CHTF18: variants seen among roughly 807,000 people sequenced by gnomAD.
The protein encoded by CHTF18 is chromosome transmission fidelity protein 18 homolog.
CHTF18 carries 151 observed loss-of-function variants against 113.4 expected under a neutral mutation model. The ratio of observed to expected loss-of-function variants is 1.33; its 90% CI spans 1.17 to 1.52. The LOEUF (loss-of-function observed/expected upper bound fraction) is 1.52, where lower values mean the gene tolerates loss of function less well. Among genes scored for constraint, CHTF18 ranks in the 40% most tolerant of loss-of-function variants. The pLI is 0.00. For missense variants in CHTF18, 1,982 were observed against 1,381.6 expected, an observed-to-expected ratio of 1.43 and a Z score of -6.89; for synonymous variants, 916 against 598.8, an observed-to-expected ratio of 1.53 and a Z score of -7.74.
In CHTF18 at chr16:789,176, G is replaced by A. The variant is rs1478735145; in HGVS notation, c.287-34G>A. ...CCTCCGGAGTGGGCGCGAGGCTGAG[G>A]AGGCCTCTGGTTCCCTGCATGTGTC... On this transcript the variant is annotated intron_variant, in intron 2 of 21. Coordinates refer to ENST00000262315, the MANE Select transcript of CHTF18 (RefSeq NM_022092.3). 6 of 1,550,204 alleles carry A rather than the reference G, an allele frequency of 3.9e-6. No individual in the cohort carries two copies. The South Asian group carries it at 7.1e-5, about 18-fold the overall frequency.
chr16:791,543 G>T lies in CHTF18; in HGVS notation c.1104+173G>T, dbSNP rs1029395372. Reference sequence around the variant, plus strand: ...CTGGAGCGTTGCAGTAACAACTCGGGGGAAGTCGTTGTCCCTGAAGGGCTC... The same window carrying T: ...CTGGAGCGTTGCAGTAACAACTCGGTGGAAGTCGTTGTCCCTGAAGGGCTC... On this transcript the variant is annotated intron_variant, in intron 8 of 21. Coordinates refer to ENST00000262315, the MANE Select transcript of CHTF18 (RefSeq NM_022092.3). 11 of 1,435,370 alleles carry T rather than the reference G, an allele frequency of 7.7e-6. No homozygotes were observed. In the Admixed American group the frequency reaches 3.1e-4, roughly 41 times the overall value. The allele number at this position is 1,435,370 out of a possible 1,614,324, so 88.9% of individuals were successfully genotyped here.
chr16:791,921 G>C lies in CHTF18; in HGVS notation c.1175G>C (p.Gly392Ala). Residue 392 changes from glycine (G) to alanine (A), a missense_variant, in exon 9 of 22, where the codon GGG becomes GCG. Coordinates refer to ENST00000262315, the MANE Select transcript of CHTF18 (RefSeq NM_022092.3). The stretch of plus-strand genomic sequence containing the variant: ...GCACACGTGATTGCGCGTCACGCGG[G>C]GTACTCTGTGGTGGAGATGAACGCC... ...TLAHVIARHA[G>A]YSVVEMNASD... The C allele has an allele frequency of 1.9e-6, 3 of 1,609,604 alleles. No individual in the cohort carries two copies. The highest frequency in any genetic ancestry group is 1.3e-5 in the African/African-American group (1 of 75,024).
At chr16:792,132 G>A (rs951539268) in intron 9 of CHTF18, 92 bp from the exon 10 acceptor site, 33 of 1,525,014 alleles carry the variant, frequency 2.2e-5, no homozygotes, top group South Asian at 7.4e-5. Flanking sequence ...GTCATGTGAC[G>A]GTCTCCACGC....
intron 15 of CHTF18, 74 bp downstream of exon 15, chr16:794,275 G>A: frequency 6.5e-7 from 1 of 1,545,924 alleles, no homozygotes; most frequent in Non-Finnish European, 8.8e-7. Context: ...GCCCCTGCCG[G>A]TCCTCCCGTA....
rs372737722 is a variant in CHTF18, at chr16:790,245, C to A, written c.675C>A (p.Ser225=). ...QLDLLGVSLA[S]LKKQVDGERR... is the part of the protein sequence containing the mutation. ...ACCTGCTGGGTGTGTCCTTAGCCTCCCTGAAGAAGCAGGTCGACGGCGAGG... is the reference window on the plus strand; with the variant it reads ...ACCTGCTGGGTGTGTCCTTAGCCTCACTGAAGAAGCAGGTCGACGGCGAGG... The change falls in exon 5 of 22, where the codon TCC becomes TCA. Residue 225 remains serine (S), a synonymous_variant. Transcript: ENST00000262315. 1 of 1,606,786 alleles carries A rather than the reference C, an allele frequency of 6.2e-7. No individual in the cohort carries two copies. The highest frequency in any genetic ancestry group is 8.5e-7 in the Non-Finnish European group (1 of 1,177,638).
intron 13 of CHTF18, 32 bp downstream of exon 13, chr16:793,096 G>GGTGGC: frequency 6.4e-7 from 1 of 1,568,288 alleles, no homozygotes; most frequent in Non-Finnish European, 8.6e-7. Flanking sequence ...GGTGGGGTGG[G>GGTGGC]GTGGGGTCAG....
Position 791,275 on chromosome 16 carries a change from G to A in CHTF18, c.1009G>A (p.Glu337Lys). Residue 337 changes from glutamate to lysine, a missense_variant, in exon 8 of 22, where the codon GAG (glutamate) becomes AAG (lysine). Transcript: ENST00000262315. ...TGTTGAGCCGGCCCGGGTCAGCAAG[G>A]AGGCCACAGCCCCAGGCAAGTGGAA... ...PSVEPARVSKEATAPGKWKSH... is the reference protein window; with the variant it reads ...PSVEPARVSKKATAPGKWKSH... 6.2e-7 allele frequency: 1 copy of A among 1,610,896 alleles called. No individual in the cohort carries two copies. Among genetic ancestry groups the A allele is most frequent in the Non-Finnish European group, 8.5e-7 (1 of 1,179,472 alleles).
In CHTF18 at chr16:794,063, G is replaced by T; in HGVS notation, c.1812G>T (p.Val604=). ...FQLPRAQRRR[V]GQDPALPADT... ...AGCACCCCACCTGCAGGCGCCGTGTGGGCCAGGACCCCGCCCTGCCTGCTG... is the reference window on the plus strand; with the variant it reads ...AGCACCCCACCTGCAGGCGCCGTGTTGGCCAGGACCCCGCCCTGCCTGCTG... Residue 604 remains valine, a synonymous_variant, in exon 15 of 22, where the codon GTG becomes GTT. Coordinates refer to ENST00000262315, the MANE Select transcript of CHTF18 (RefSeq NM_022092.3). 4 of 1,610,634 alleles carry T rather than the reference G, an allele frequency of 2.5e-6. No homozygotes were observed. The highest frequency in any genetic ancestry group is 3.4e-6 in the Non-Finnish European group (4 of 1,179,000).
At position 797,030 on chromosome 16, in the gene CHTF18, G is replaced by C; in HGVS notation, c.2671G>C (p.Ala891Pro). The C allele has an allele frequency of 6.4e-7, 1 of 1,561,112 alleles. No individual in the cohort carries two copies. The highest frequency in any genetic ancestry group is 8.7e-7 in the Non-Finnish European group (1 of 1,153,434). The change falls in exon 20 of 22, where the codon GCC becomes CCC. Residue 891 changes from alanine (A) to proline (P), a missense_variant. Coordinates refer to ENST00000262315, the MANE Select transcript of CHTF18 (RefSeq NM_022092.3). ...TGGGGAGAAAGGGGTGCACCGACCT[G>C]CCCCACGCAACCATGAGCAGCGGCT... ...GIGEKGVHRP[A>P]PRNHEQRLEH...
At position 789,741 on chromosome 16, in the gene CHTF18, G is replaced by A. The variant is rs182844331; in HGVS notation, c.606+26G>A. ...GTGCGTGGCTGTGGCCTTCCTGCACGGTGGGTGGGCCAGTGCTGCTCAGGA... is the reference window on the plus strand; with the variant it reads ...GTGCGTGGCTGTGGCCTTCCTGCACAGTGGGTGGGCCAGTGCTGCTCAGGA... On this transcript the variant is annotated intron_variant, in intron 4 of 21. Coordinates refer to ENST00000262315, the MANE Select transcript of CHTF18 (RefSeq NM_022092.3). 3.2e-4 allele frequency: 498 copies of A among 1,557,382 alleles called. 3 individuals carry two copies. In the African/African-American group the frequency reaches 4.6e-3, roughly 14 times the overall value.
At position 788,713 on chromosome 16, in the gene CHTF18, G is replaced by A. The variant is rs373162224; in HGVS notation, c.29G>A (p.Gly10Asp). ...GAGGACTACGAGCAGGAGCTGTGCG[G>A]CGTCGAGGATGATTTCCACAACCAG... MEDYEQELC[G>D]VEDDFHNQFA... Residue 10 changes from glycine (G) to aspartate (D), a missense_variant, in exon 1 of 22, where the codon GGC (glycine) becomes GAC (aspartate). Physicochemically the swap from Gly to Asp is moderately conservative, Grantham distance 94. Transcript: ENST00000262315. 1.2e-4 allele frequency: 189 copies of A among 1,601,608 alleles called. No homozygotes were observed. In the African/African-American group the frequency reaches 2.3e-3, roughly 20 times the overall value.
Position 789,740 on chromosome 16 carries a change from C to T in CHTF18, c.606+25C>T, listed in dbSNP as rs748413128. 33 of 1,558,640 alleles carry T rather than the reference C, an allele frequency of 2.1e-5. 1 individual carries two copies. The highest frequency in any genetic ancestry group is 1.2e-4 in the South Asian group (10 of 85,348). On this transcript the variant is annotated intron_variant, in intron 4 of 21. Transcript: ENST00000262315. ...GGTGCGTGGCTGTGGCCTTCCTGCACGGTGGGTGGGCCAGTGCTGCTCAGG... is the reference window on the plus strand; with the variant it reads ...GGTGCGTGGCTGTGGCCTTCCTGCATGGTGGGTGGGCCAGTGCTGCTCAGG...
intron 1 of CHTF18, 78 bp downstream of exon 1, chr16:788,853 G>T: frequency 6.6e-7 from 1 of 1,513,494 alleles, no homozygotes; most frequent in Non-Finnish European, 8.8e-7. Context: ...GCGTGCCGGG[G>T]GCCGAAGGGG....
intron 8 of CHTF18, chr16:791,624 C>A (rs1477673173): frequency 1.4e-6 from 2 of 1,430,276 alleles, no homozygotes; most frequent in Admixed American, 5.9e-5. Context: ...GGGCCAGTCA[C>A]ACTGGTATCA....
intron 12 of CHTF18, 67 bp from the exon 13 acceptor site, chr16:792,899 G>A: frequency 6.5e-7 from 1 of 1,533,394 alleles, no homozygotes; most frequent in South Asian, 1.2e-5. Flanking sequence ...CCCTCCCCAT[G>A]GAACCCTGGT....
Position 795,227 on chromosome 16 carries a change from G to A in CHTF18, c.2046G>A (p.Leu682=). ...ACTGGCTGGCCTTCGATGACCTGCT[G>A]GCGGGGGCTGCTCATCACAGCCAGA... The part of the protein sequence containing the change: ...ALDWLAFDDL[L]AGAAHHSQSF... Residue 682 remains leucine (L), a synonymous_variant, in exon 16 of 22, where the codon CTG becomes CTA. Transcript: ENST00000262315. 1 of 1,551,438 alleles carries A rather than the reference G, an allele frequency of 6.4e-7. No individual in the cohort carries two copies. Among genetic ancestry groups the A allele is most frequent in the African/African-American group, 1.4e-5 (1 of 73,184 alleles).
intron 14 of CHTF18, chr16:793,690 A>G: frequency 3.4e-6 from 2 of 591,970 alleles, no homozygotes; most frequent in Non-Finnish European, 6.3e-6. Flanking sequence ...CTGACGTGCC[A>G]TGGGACCCCA....
chr16:789,213 C>A lies in CHTF18; in HGVS notation c.290C>A (p.Pro97His). Residue 97 changes from proline (P) to histidine (H), a missense_variant, in exon 3 of 22, where the codon CCC (proline) becomes CAC (histidine). Physicochemically the swap from Pro to His is moderately conservative, Grantham distance 77 (BLOSUM62 -2). Transcript: ENST00000262315. Reference sequence around the variant, plus strand: ...TCCCTGCATGTGTCTCCCCCAGCCCCCAGGATCAAACGGCCTAGGCTGCAG... The same window carrying A: ...TCCCTGCATGTGTCTCCCCCAGCCCACAGGATCAAACGGCCTAGGCTGCAG... Reference protein sequence around the residue: ...LQPAGSLPHAPRIKRPRLQVV... With the variant: ...LQPAGSLPHAHRIKRPRLQVV... The A allele has an allele frequency of 6.4e-7, 1 of 1,551,316 alleles. No individual in the cohort carries two copies. Among genetic ancestry groups the A allele is most frequent in the Non-Finnish European group, 8.7e-7 (1 of 1,147,508 alleles).
Position 793,043 on chromosome 16 carries a change from G to C in CHTF18, c.1650G>C (p.Arg550=), listed in dbSNP as rs2042243517. The change falls in exon 13 of 22, where the codon CGG becomes CGC. Residue 550 remains arginine (R), a synonymous_variant. Coordinates refer to ENST00000262315, the MANE Select transcript of CHTF18 (RefSeq NM_022092.3). The part of the protein sequence containing the change: ...ALCEKTDNDI[R]ACINTLQFLY... ...GTGAGAAAACTGACAATGACATCCG[G>C]GCCTGCATCAACACCCTGCAGGTGG... The C allele has an allele frequency of 6.4e-7, 1 of 1,552,404 alleles. No homozygotes were observed. Among genetic ancestry groups the C allele is most frequent in the Non-Finnish European group, 8.7e-7 (1 of 1,147,388 alleles).
Sources: allele counts gnomAD v4.1 joint callset, GRCh38; gene constraint gnomAD v4.1.1; transcripts MANE v1.5; gene names NCBI Gene and HGNC (gene_info 2026-07-23, HGNC 2026-07-21).